Variants in BANF2 observed in about 807,000 individuals in gnomAD.
The protein encoded by BANF2 is barrier-to-autointegration factor-like protein.
A neutral mutation model predicts 8.0 loss-of-function variants in BANF2; 4 were observed. That is an observed-to-expected ratio of 0.50 (90% CI 0.25 to 1.14). The LOEUF is 1.14. Among genes scored for constraint, BANF2 ranks in the 50% most tolerant of loss-of-function variants. The pLI is 0.16. For missense variants in BANF2, 96 were observed against 107.5 expected, an observed-to-expected ratio of 0.89 and a Z score of 0.47; for synonymous variants, 50 against 40.6, an observed-to-expected ratio of 1.23 and a Z score of -0.88.
intron 1 of BANF2, among the ~76,000 whole-genome samples, chr20:17,711,603 G>A (rs1018398011): frequency 7.9e-5 from 12 of 152,304 alleles, no homozygotes; most frequent in African/African-American, 1.9e-4. Flanking sequence ...CTCTGGAGCC[G>A]GAATGGTACC....
chr20:17,704,914 C>A (rs1223528779), intron 1 of BANF2, among the ~76,000 whole-genome samples: 1 of 152,206 alleles, frequency 6.6e-6, no homozygotes, highest in Non-Finnish European at 1.5e-5. Context: ...CACTTAGCAA[C>A]CCCAGCAAGA....
intron 1 of BANF2, among the ~76,000 whole-genome samples, chr20:17,719,687 T>TAAA (rs34906896): frequency 9.2e-5 from 13 of 141,830 alleles, no homozygotes; most frequent in African/African-American, 3.4e-4. Context: ...TTTTTTTAAT[T>TAAA]AAAAAAAAAA....
intron 1 of BANF2, among the ~76,000 whole-genome samples, chr20:17,711,266 C>T (rs2037567138): frequency 1.3e-5 from 2 of 152,212 alleles, no homozygotes; most frequent in South Asian, 4.1e-4. Flanking sequence ...CCCCGGGGCC[C>T]CCCTCCAGGG....
chr20:17,694,465 T>C (rs1396751834), intron 1 of BANF2, among the ~76,000 whole-genome samples: 1 of 151,996 alleles, frequency 6.6e-6, no homozygotes, highest in Non-Finnish European at 1.5e-5. Flanking sequence ...GGTGAGGAAG[T>C]AGTGCTCATG....
At chr20:17,734,946 G>C (rs538307540) in intron 3 of BANF2, among the ~76,000 whole-genome samples, 1 of 152,094 alleles carries the variant, frequency 6.6e-6, no homozygotes, top group Non-Finnish European at 1.5e-5. Flanking sequence ...AATTAGCCAG[G>C]CATGGTGGCA....
At chr20:17,712,891 T>C (rs916064842) in intron 1 of BANF2, among the ~76,000 whole-genome samples, 2 of 152,100 alleles carry the variant, frequency 1.3e-5, no homozygotes, top group Non-Finnish European at 2.9e-5. Context: ...CAGCTTCCCA[T>C]GATGGATGAA....
intron 1 of BANF2, among the ~76,000 whole-genome samples, chr20:17,701,907 C>T (rs1183694919): frequency 6.6e-6 from 1 of 152,220 alleles, no homozygotes; most frequent in Non-Finnish European, 1.5e-5. Flanking sequence ...CTCTCTCATT[C>T]ACCTGGTTCT....
At chr20:17,721,838 C>A (rs1277102051) in intron 1 of BANF2, among the ~76,000 whole-genome samples, 2 of 152,160 alleles carry the variant, frequency 1.3e-5, no homozygotes, top group Admixed American at 6.5e-5. Flanking sequence ...TGTTTCAGAC[C>A]ACATGGGGCA....
Position 17,723,812 on chromosome 20 carries a change from T to C in BANF2, c.-4+934T>C, listed in dbSNP as rs1277077865. 4.6e-5 allele frequency among the ~76,000 whole-genome samples: 7 copies of C among 152,114 alleles called. No homozygotes were observed. The East Asian group carries it at 1.3e-3, about 29-fold the overall frequency. ...GAGTTCAGGACCAGCCTGGTCAACA[T>C]GGTGAAACCTCATCTCTACTAAAAA... On this transcript the variant is annotated intron_variant, in intron 2 of 3. Transcript: ENST00000246090.
chr20:17,697,137 G>T (rs2037352903), upstream of BANF2, among the ~76,000 whole-genome samples: 4 of 152,204 alleles, frequency 2.6e-5, no homozygotes, highest in Admixed American at 2.6e-4. Context: ...ATCCTAACAG[G>T]CCAGCAGATA....
chr20:17,732,315 C>T (rs1600230400), intron 3 of BANF2, among the ~76,000 whole-genome samples: 2 of 152,306 alleles, frequency 1.3e-5, no homozygotes, highest in Admixed American at 6.5e-5. Context: ...CCTGGAGGAA[C>T]CTCACTGTTT....
At chr20:17,731,759 G>GAAAAAAAAA (rs58645809) in intron 3 of BANF2, among the ~76,000 whole-genome samples, 9 of 95,032 alleles carry the variant, frequency 9.5e-5, no homozygotes, top group South Asian at 3.8e-4. Context: ...CGTCTCTTAG[G>GAAAAAAAAA]AAAAAAAAAA....
chr20:17,722,526 G>A (rs747086587), intron 1 of BANF2, among the ~76,000 whole-genome samples, 190 bp from the exon 2 acceptor site: 2 of 152,170 alleles, frequency 1.3e-5, no homozygotes, highest in Non-Finnish European at 2.9e-5. Flanking sequence ...GTGCTGAGGC[G>A]TTCTCCTGTT....
At chr20:17,698,005 G>A (rs2037363344), upstream of BANF2, among the ~76,000 whole-genome samples, 3 of 152,030 alleles carry the variant, frequency 2.0e-5, no homozygotes, top group Admixed American at 2.0e-4. Flanking sequence ...AGGAGTTTGA[G>A]ACCAGCCTGG....
At chr20:17,735,609 T>G in intron 3 of BANF2, 56 bp from the exon 4 acceptor site, 471 of 1,551,418 alleles carry the variant, frequency 3.0e-4, no homozygotes, top group Non-Finnish European at 3.7e-4. Flanking sequence ...AGAGCGCGTC[T>G]GAGCTGGCTT....
intron 1 of BANF2, among the ~76,000 whole-genome samples, chr20:17,713,447 A>T (rs2037606051): frequency 6.6e-6 from 1 of 152,124 alleles, no homozygotes; most frequent in Non-Finnish European, 1.5e-5. Flanking sequence ...GGAGGGGGAA[A>T]TGGGGAGTTG....
chr20:17,721,902 C>T (rs1600224065), intron 1 of BANF2, among the ~76,000 whole-genome samples: 1 of 152,304 alleles, frequency 6.6e-6, no homozygotes, highest in East Asian at 1.9e-4. Flanking sequence ...GTATTGACAC[C>T]TAGGGCCAGA....
At chr20:17,701,226 G>T (rs548237982) in intron 1 of BANF2, among the ~76,000 whole-genome samples, 4 of 152,212 alleles carry the variant, frequency 2.6e-5, no homozygotes, top group African/African-American at 9.6e-5. Flanking sequence ...AGGGGCCGGC[G>T]CTAGAGCAAC....
intron 3 of BANF2, among the ~76,000 whole-genome samples, chr20:17,726,554 G>A (rs1052227618): frequency 5.9e-5 from 9 of 152,168 alleles, no homozygotes; most frequent in Admixed American, 2.0e-4. Flanking sequence ...GTAACATACC[G>A]AGGAGAATAT....
Sources: gnomAD v4.1 joint callset for allele counts (sites outside exome capture counted in the v4.1 genomes callset) on GRCh38, gnomAD v4.1.1 for gene constraint, MANE v1.5 for transcripts, NCBI Gene and HGNC (gene_info 2026-07-23, HGNC 2026-07-21) for gene names.